Variants in MCTP1 observed in about 807,000 individuals in gnomAD.
The protein encoded by MCTP1 is multiple C2 and transmembrane domain containing 1.
MCTP1 carries 69 observed loss-of-function variants against 120.6 expected under a neutral mutation model. The observed-to-expected ratio is 0.57, with a 90% CI of 0.47 to 0.70. MCTP1 has a LOEUF of 0.70. MCTP1 is among the 30% of genes least tolerant of loss of function. The pLI is 0.00. For missense variants in MCTP1, 1,203 were observed against 1,248.8 expected, an observed-to-expected ratio of 0.96 and a Z score of 0.55; for synonymous variants, 529 against 493.1, an observed-to-expected ratio of 1.07 and a Z score of -0.96.
chr5:94,868,376 C>A lies in MCTP1; in HGVS notation c.2393G>T (p.Cys798Phe). The A allele has an allele frequency of 6.2e-7, 1 of 1,607,602 alleles. No individual in the cohort carries two copies. The highest frequency in any genetic ancestry group is 8.5e-7 in the Non-Finnish European group (1 of 1,176,920). The change falls in exon 17 of 23, where the codon TGC (cysteine) becomes TTC (phenylalanine). Residue 798 changes from cysteine (C) to phenylalanine (F), a missense_variant. By Grantham distance (205) the Cys-to-Phe change is radical. This residue lies in a region of MCTP1 where 740 missense variants were observed against 871.1 expected (regional missense o/e 0.85). Transcript: ENST00000515393. ...LVNAAYYVNS[C>F]FDWDSPPRSL... ...CCTTGGGGGTGAATCCCAATCAAAG[C>A]AACTATTAACGTAGTATGCAGCATT... is the stretch of plus-strand genomic sequence containing the variant.
At chr5:94,867,250 T>C in intron 17 of MCTP1, 1 of 1,472,814 alleles carries the variant, frequency 6.8e-7, no homozygotes, top group Non-Finnish European at 9.0e-7. Flanking sequence ...TAATGACAAT[T>C]GCTTTCTTTA....
chr5:95,267,830 A>T (rs2152727393), intron 1 of MCTP1, among the ~76,000 whole-genome samples: 1 of 152,314 alleles, frequency 6.6e-6, no homozygotes, highest in East Asian at 1.9e-4. Context: ...TCCCAGACCC[A>T]TCTCCCCCAA....
At chr5:95,116,549 T>C (rs1020705840) in intron 1 of MCTP1, among the ~76,000 whole-genome samples, 2 of 134,552 alleles carry the variant, frequency 1.5e-5, no homozygotes, top group East Asian at 2.0e-4. Context: ...TTTTTAAAGT[T>C]TTTTTTTTTT....
chr5:95,042,178 C>T (rs1022224719), intron 1 of MCTP1, among the ~76,000 whole-genome samples: 4 of 152,126 alleles, frequency 2.6e-5, no homozygotes, highest in Non-Finnish European at 4.4e-5. Context: ...TAGCCAGTGG[C>T]CTGTTTTTCC....
At chr5:94,943,547 C>A (rs1210817778) in intron 3 of MCTP1, among the ~76,000 whole-genome samples, 1 of 151,982 alleles carries the variant, frequency 6.6e-6, no homozygotes, top group Non-Finnish European at 1.5e-5. Context: ...TTCCCTCAGC[C>A]AATATTGGCT....
intron 21 of MCTP1, chr5:94,709,279 C>G (rs1755886713): frequency 6.6e-6 from 1 of 152,038 alleles, no homozygotes; most frequent in South Asian, 2.1e-4. Flanking sequence ...CATGTAAGAC[C>G]TATGTCTTAA....
At chr5:95,091,175 C>T (rs1279428849) in intron 1 of MCTP1, among the ~76,000 whole-genome samples, 1 of 152,238 alleles carries the variant, frequency 6.6e-6, no homozygotes, top group South Asian at 2.1e-4. Flanking sequence ...AAACCAGAGA[C>T]AGAAAATTCA....
At chr5:94,948,232 G>A (rs1472200215) in intron 3 of MCTP1, among the ~76,000 whole-genome samples, 1 of 152,138 alleles carries the variant, frequency 6.6e-6, no homozygotes, top group Non-Finnish European at 1.5e-5. Context: ...TGAGTCTCAT[G>A]TACCCATACA....
At chr5:95,006,310 T>A (rs1027411293) in intron 2 of MCTP1, among the ~76,000 whole-genome samples, 7 of 151,382 alleles carry the variant, frequency 4.6e-5, no homozygotes, top group Non-Finnish European at 7.4e-5. Flanking sequence ...TATATGTATA[T>A]ATATGTATGT....
intron 1 of MCTP1, among the ~76,000 whole-genome samples, chr5:95,214,740 T>C (rs748974383): frequency 6.6e-6 from 1 of 151,720 alleles, no homozygotes; most frequent in Non-Finnish European, 1.5e-5. Flanking sequence ...CTGGAAACCA[T>C]CATTCTCAGC....
chr5:95,017,574 A>G (rs1837365788), intron 1 of MCTP1, 90 bp from the exon 2 acceptor site: 2 of 603,016 alleles, frequency 3.3e-6, no homozygotes, highest in Admixed American at 3.4e-5. Flanking sequence ...AACCCAAATT[A>G]TAAGAATTAG....
chr5:94,987,949 A>G (rs1243323340), intron 2 of MCTP1, among the ~76,000 whole-genome samples: 1 of 150,552 alleles, frequency 6.6e-6, no homozygotes, highest in Non-Finnish European at 1.5e-5. Context: ...CTCATCATCA[A>G]AGTGTATGAA....
chr5:94,772,413 G>GCAGCTGC (rs1027143790), intron 19 of MCTP1, among the ~76,000 whole-genome samples: 1 of 152,148 alleles, frequency 6.6e-6, no homozygotes, highest in African/African-American at 2.4e-5. Flanking sequence ...GGCTTCACAT[G>GCAGCTGC]CAGCTGCCAG....
At chr5:94,968,946 T>C (rs1336856180) in intron 2 of MCTP1, among the ~76,000 whole-genome samples, 1 of 152,222 alleles carries the variant, frequency 6.6e-6, no homozygotes, top group Non-Finnish European at 1.5e-5. Flanking sequence ...TTGTTATTAA[T>C]GTCATATTCA....
intron 2 of MCTP1, among the ~76,000 whole-genome samples, chr5:94,955,511 C>T (rs1226932470): frequency 2.6e-5 from 4 of 152,158 alleles, no homozygotes; most frequent in African/African-American, 9.7e-5. Flanking sequence ...AGCTAAGATC[C>T]ACTGGCTTGA....
At chr5:95,175,774 C>T (rs1321459776) in intron 1 of MCTP1, among the ~76,000 whole-genome samples, 1 of 152,156 alleles carries the variant, frequency 6.6e-6, no homozygotes, top group Non-Finnish European at 1.5e-5. Context: ...CCCTCAGAGG[C>T]CCACCCACTC....
intron 15 of MCTP1, 42 bp downstream of exon 15, chr5:94,870,830 T>C: frequency 1.6e-6 from 2 of 1,281,702 alleles, no homozygotes; most frequent in Non-Finnish European, 2.3e-6. Flanking sequence ...TTCATGAAAC[T>C]GAACTCTTTA....
At chr5:95,036,667 T>C (rs189837834) in intron 1 of MCTP1, among the ~76,000 whole-genome samples, 2 of 152,308 alleles carry the variant, frequency 1.3e-5, no homozygotes, top group Admixed American at 1.3e-4. Context: ...ATATCAACTT[T>C]TTAAATGTCA....
At chr5:94,990,593 A>C (rs1831347247) in intron 2 of MCTP1, among the ~76,000 whole-genome samples, 1 of 152,236 alleles carries the variant, frequency 6.6e-6, no homozygotes, top group African/African-American at 2.4e-5. Flanking sequence ...ACCAAAGATC[A>C]TCTCCCTTTT....
Sources: gnomAD v4.1 joint callset for allele counts (sites outside exome capture counted in the v4.1 genomes callset) on GRCh38, gnomAD v4.1.1 for gene constraint, gnomAD v4.1.1 regional missense constraint, MANE v1.5 for transcripts, NCBI Gene and HGNC (gene_info 2026-07-23, HGNC 2026-07-21) for gene names.